The following SEC14L1 variants were observed in gnomAD, a reference collection of about 807,000 sequenced individuals.
The protein encoded by SEC14L1 is SEC14-like protein 1.
In SEC14L1, 48 loss-of-function variants were observed where a neutral mutation model predicts 85.3. The ratio of observed to expected loss-of-function variants is 0.56; its 90% CI spans 0.45 to 0.72. The LOEUF (loss-of-function observed/expected upper bound fraction) is 0.72. Among genes scored for constraint, SEC14L1 ranks in the 30% least tolerant of loss-of-function variants. SEC14L1 has a pLI of 0.00. For missense variants in SEC14L1, 682 were observed against 921.4 expected (o/e 0.74, Z 3.36); for synonymous variants, 391 against 355.5 (o/e 1.10, Z -1.12).
chr17:77,175,556 C>A (rs546815614), intron 3 of SEC14L1, among the ~76,000 whole-genome samples: 3 of 152,214 alleles, frequency 2.0e-5, no homozygotes, highest in Admixed American at 6.5e-5. Context: ...CTGTGGTGCC[C>A]GGGCAGCTGT....
At chr17:77,197,343 G>A (rs932862355) in intron 8 of SEC14L1, among the ~76,000 whole-genome samples, 1 of 152,188 alleles carries the variant, frequency 6.6e-6, no homozygotes, top group African/African-American at 2.4e-5. Flanking sequence ...CTTTATTCAG[G>A]GAGGCCAACC....
At position 77,214,081 on chromosome 17, in the gene SEC14L1, A is replaced by G; in HGVS notation, c.*58A>G. 2 of 1,575,126 alleles carry G rather than the reference A, an allele frequency of 1.3e-6. No homozygotes were observed. The highest frequency in any genetic ancestry group is 1.2e-5 in the South Asian group (1 of 86,150). ...GACGGCCGCCCCTCCTCGGACAGCC[A>G]GCTGCACCCGCCCACCCAGCGGCGA... On this transcript the variant is annotated 3_prime_UTR_variant, in exon 17 of 17. Coordinates refer to ENST00000436233, the MANE Select transcript of SEC14L1 (RefSeq NM_001143998.2).
chr17:77,209,274 G>T, intron 13 of SEC14L1, 68 bp from the exon 14 acceptor site: 1 of 1,587,282 alleles, frequency 6.3e-7, no homozygotes. Context: ...AGTGCTGGCC[G>T]GTGTGTCTGG....
At position 77,216,646 on chromosome 17, in the gene SEC14L1, C is replaced by T; in HGVS notation, c.*2623C>T. The T allele has an allele frequency of 1.2e-6, 2 of 1,609,796 alleles. No individual in the cohort carries two copies. The highest frequency in any genetic ancestry group is 1.7e-6 in the Non-Finnish European group (2 of 1,176,730). ...GAACTGTTTGAATTGCAGCCATCCC[C>T]TGCCCCCTCCCAGGCTGAAGATCTG... On this transcript the variant is annotated 3_prime_UTR_variant, in exon 17 of 17. Coordinates refer to ENST00000436233, the MANE Select transcript of SEC14L1 (RefSeq NM_001143998.2).
At chr17:77,092,947 G>A (rs1173482951) in intron 2 of SEC14L1, among the ~76,000 whole-genome samples, 3 of 99,364 alleles carry the variant, frequency 3.0e-5, no homozygotes, top group African/African-American at 4.2e-5. Context: ...GTGAAACTCC[G>A]TCTCAAAAAA....
At chr17:77,173,568 G>A (rs191972255) in intron 3 of SEC14L1, among the ~76,000 whole-genome samples, 8 of 152,100 alleles carry the variant, frequency 5.3e-5, no homozygotes, top group South Asian at 2.1e-4. Context: ...AGGGCATAGC[G>A]TATCTCCTCC....
chr17:77,115,316 C>T (rs1567874978), intron 3 of SEC14L1, among the ~76,000 whole-genome samples: 1 of 152,216 alleles, frequency 6.6e-6, no homozygotes, highest in East Asian at 1.9e-4. Flanking sequence ...GTAATCTCAG[C>T]TACTTGGGAG....
At chr17:77,126,473 G>A (rs894335256) in intron 3 of SEC14L1, among the ~76,000 whole-genome samples, 2 of 152,214 alleles carry the variant, frequency 1.3e-5, no homozygotes, top group East Asian at 3.8e-4. Context: ...CTGAATGATC[G>A]GTAGGGGTTA....
chr17:77,209,851 T>A (rs1317766796), intron 14 of SEC14L1: 2 of 166,302 alleles, frequency 1.2e-5, no homozygotes, highest in African/African-American at 4.8e-5. Flanking sequence ...ACTTTTTCTT[T>A]TTTTTTTTCT....
intron 3 of SEC14L1, among the ~76,000 whole-genome samples, chr17:77,171,803 C>A (rs1974533814): frequency 6.6e-6 from 1 of 152,216 alleles, no homozygotes; most frequent in Admixed American, 6.5e-5. Flanking sequence ...CCGTTTACTA[C>A]TGAGTACCCG....
Position 77,212,080 on chromosome 17 carries a change from C to G in SEC14L1, c.1742C>G (p.Ala581Gly). The G allele has an allele frequency of 6.2e-7, 1 of 1,614,136 alleles. No homozygotes were observed. The highest frequency in any genetic ancestry group is 1.1e-5 in the South Asian group (1 of 91,076). The change falls in exon 15 of 17, where the codon GCC becomes GGC. Residue 581 changes from alanine to glycine, a missense_variant. Coordinates refer to ENST00000436233, the MANE Select transcript of SEC14L1 (RefSeq NM_001143998.2). ...CCACCCAAAAAGGACTCCCTGGGAGCCCACAGCATCACCTCTCCGGGTGGG... is the reference window on the plus strand; with the variant it reads ...CCACCCAAAAAGGACTCCCTGGGAGGCCACAGCATCACCTCTCCGGGTGGG... Reference protein sequence around the residue: ...PQPPKKDSLGAHSITSPGGNN... With the variant: ...PQPPKKDSLGGHSITSPGGNN...
chr17:77,215,603 T>C lies in SEC14L1; in HGVS notation c.*1580T>C, dbSNP rs1458425082. On this transcript the variant is annotated 3_prime_UTR_variant, in exon 17 of 17. Coordinates refer to ENST00000436233, the MANE Select transcript of SEC14L1 (RefSeq NM_001143998.2). ...AGCCCTAGTGGCTGCCTGCACACTG[T>C]AGACGTCCCAGGGCCTGTGCTGTGA... The C allele has an allele frequency of 4.0e-6, 4 of 988,584 alleles. No homozygotes were observed. Among genetic ancestry groups the C allele is most frequent in the African/African-American group, 3.5e-5 (2 of 57,198 alleles). 61.2% of individuals were successfully genotyped at this position (988,584 alleles called of 1,614,324 possible).
intron 3 of SEC14L1, among the ~76,000 whole-genome samples, chr17:77,145,368 A>T (rs572494881): frequency 6.6e-6 from 1 of 152,056 alleles, no homozygotes; most frequent in Non-Finnish European, 1.5e-5. Context: ...AATCCCTCAC[A>T]CCTTTGTGAA....
intron 10 of SEC14L1, among the ~76,000 whole-genome samples, chr17:77,203,985 C>A (rs1181537793): frequency 2.6e-5 from 4 of 152,052 alleles, no homozygotes; most frequent in African/African-American, 9.7e-5. Context: ...AGCATTCTTT[C>A]CACTGGCCCT....
chr17:77,200,999 A>G (rs914445676), intron 9 of SEC14L1, among the ~76,000 whole-genome samples: 5 of 152,242 alleles, frequency 3.3e-5, no homozygotes. Context: ...CCTCTGGCAG[A>G]GTATTTTCAG....
chr17:77,203,498 A>T, intron 9 of SEC14L1, 72 bp from the exon 10 acceptor site: 1 of 1,291,028 alleles, frequency 7.7e-7, no homozygotes, highest in Non-Finnish European at 1.1e-6. Flanking sequence ...ATTCCTGTTA[A>T]GGGTCTTAGA....
upstream of SEC14L1, chr17:77,140,636 C>G (rs575488591): frequency 2.4e-4 from 36 of 152,584 alleles, no homozygotes; most frequent in African/African-American, 7.9e-4. Context: ...GGGCTTCACT[C>G]CGCCTCCGCC....
At chr17:77,202,293 C>T (rs527414440) in intron 9 of SEC14L1, among the ~76,000 whole-genome samples, 1 of 152,220 alleles carries the variant, frequency 6.6e-6, no homozygotes, top group African/African-American at 2.4e-5. Flanking sequence ...CAAGACTAGC[C>T]TGGGCAACAC....
At chr17:77,169,896 T>C (rs2143680288) in intron 3 of SEC14L1, among the ~76,000 whole-genome samples, 1 of 152,338 alleles carries the variant, frequency 6.6e-6, no homozygotes, top group Admixed American at 6.5e-5. Context: ...AAAGTGAATG[T>C]AAGGCTTTAG....
Sources: allele counts gnomAD v4.1 joint callset (sites outside exome capture counted in the v4.1 genomes callset), GRCh38; gene constraint gnomAD v4.1.1; transcripts MANE v1.5; gene names NCBI Gene and HGNC (gene_info 2026-07-23, HGNC 2026-07-21).